KCNH7: variants seen among roughly 807,000 people sequenced by gnomAD.
The protein encoded by KCNH7 is voltage-gated inwardly rectifying potassium channel KCNH7.
In KCNH7, 49 loss-of-function variants were observed where a neutral mutation model predicts 120.8. The ratio of observed to expected loss-of-function variants is 0.41; its 90% CI spans 0.32 to 0.51. The LOEUF (loss-of-function observed/expected upper bound fraction) is 0.51. Ranked by LOEUF, KCNH7 falls within the 20% of genes least tolerant of loss-of-function variation. KCNH7 has a pLI of 0.38. For missense variants in KCNH7, 1,097 were observed against 1,446.6 expected, an observed-to-expected ratio of 0.76 and a Z score of 3.92; for synonymous variants, 547 against 516.1, an observed-to-expected ratio of 1.06 and a Z score of -0.81.
intron 2 of KCNH7, among the ~76,000 whole-genome samples, chr2:162,759,063 C>T (rs1482969506): frequency 6.6e-6 from 1 of 151,494 alleles, no homozygotes; most frequent in East Asian, 2.0e-4. Context: ...GAGGTACTTG[C>T]CACTCTTTCC....
At chr2:162,438,205 T>A (rs113711889) in intron 7 of KCNH7, among the ~76,000 whole-genome samples, 191 of 152,272 alleles carry the variant, frequency 1.3e-3, no homozygotes, top group African/African-American at 4.3e-3. Flanking sequence ...ATTGTGATAA[T>A]AAGTACTAAT....
intron 2 of KCNH7, among the ~76,000 whole-genome samples, chr2:162,642,255 T>A (rs1574209675): frequency 1.3e-5 from 2 of 152,336 alleles, no homozygotes; most frequent in South Asian, 2.1e-4. Flanking sequence ...AATAAATATG[T>A]ATTGATTATC....
intron 2 of KCNH7, among the ~76,000 whole-genome samples, chr2:162,665,055 A>AAC (rs775832551): frequency 5.3e-5 from 8 of 152,152 alleles, no homozygotes. Flanking sequence ...ATTTATTATT[A>AAC]ACTTTGAAAG....
chr2:162,669,993 G>A (rs139639578), intron 2 of KCNH7, among the ~76,000 whole-genome samples: 4,601 of 152,048 alleles, frequency 0.03, 96 homozygotes, highest in Non-Finnish European at 0.044. Flanking sequence ...CCAGCTACTC[G>A]GGAGGCTGAG....
chr2:162,676,654 G>C (rs1434834889), intron 2 of KCNH7, among the ~76,000 whole-genome samples: 1 of 151,466 alleles, frequency 6.6e-6, no homozygotes, highest in African/African-American at 2.4e-5. Context: ...TGGAACTTTT[G>C]AGGCAATTTT....
intron 2 of KCNH7, among the ~76,000 whole-genome samples, chr2:162,577,315 A>G: frequency 6.8e-6 from 1 of 147,176 alleles, no homozygotes; most frequent in South Asian, 2.1e-4. Context: ...CTATCTATCT[A>G]TCTATCTATC....
chr2:162,760,559 A>G (rs1688935095), intron 2 of KCNH7, among the ~76,000 whole-genome samples: 2 of 152,082 alleles, frequency 1.3e-5, no homozygotes, highest in African/African-American at 4.8e-5. Context: ...CCAAAATACT[A>G]TAAATTTTTA....
At chr2:162,428,738 T>C (rs138382693) in intron 8 of KCNH7, among the ~76,000 whole-genome samples, 240 of 152,026 alleles carry the variant, frequency 1.6e-3, no homozygotes, top group African/African-American at 5.5e-3. Context: ...GCATACACAT[T>C]TAGGATTGCT....
At chr2:162,718,554 C>A (rs1390347485) in intron 2 of KCNH7, among the ~76,000 whole-genome samples, 1 of 151,894 alleles carries the variant, frequency 6.6e-6, no homozygotes, top group East Asian at 1.9e-4. Context: ...TGTGTTGGGA[C>A]TGAAACATAA....
chr2:162,533,871 T>C (rs1488747094), intron 3 of KCNH7, among the ~76,000 whole-genome samples: 2 of 150,092 alleles, frequency 1.3e-5, no homozygotes, highest in South Asian at 4.2e-4. Context: ...GTAATATCAC[T>C]TTTTTTTCAT....
At chr2:162,567,164 T>A (rs570764080) in intron 2 of KCNH7, among the ~76,000 whole-genome samples, 2 of 152,154 alleles carry the variant, frequency 1.3e-5, no homozygotes, top group African/African-American at 2.4e-5. Context: ...AAGATGATAA[T>A]TATAAAATGA....
chr2:162,464,150 T>C (rs1236214811), intron 6 of KCNH7, among the ~76,000 whole-genome samples: 1 of 151,992 alleles, frequency 6.6e-6, no homozygotes, highest in Non-Finnish European at 1.5e-5. Flanking sequence ...GAAATAAATA[T>C]GGCATTCTTG....
intron 2 of KCNH7, among the ~76,000 whole-genome samples, chr2:162,600,324 G>A (rs1268316815): frequency 1.3e-5 from 2 of 152,064 alleles, no homozygotes; most frequent in African/African-American, 4.8e-5. Flanking sequence ...CCAGGAAGGT[G>A]ATCACCAATA....
rs959340426 is a variant in KCNH7 at position 162,563,697 on chromosome 2, T to C, written c.308-26617A>G. On this transcript the variant is annotated intron_variant, in intron 2 of 15. Coordinates refer to ENST00000332142, the MANE Select transcript of KCNH7 (RefSeq NM_033272.4). ...GAAAACTAACACAGCATGTTGGCTG[T>C]TGGGTGAAAGCATGTAATTAGTTCT... Among the ~76,000 whole-genome samples the C allele has an allele frequency of 3.3e-5, 5 of 152,282 alleles. No homozygotes were observed. The East Asian group carries it at 9.7e-4, about 29-fold the overall frequency.
chr2:162,497,193 T>A (rs1421646217), intron 6 of KCNH7: 1 of 152,122 alleles, frequency 6.6e-6, no homozygotes, highest in Non-Finnish European at 1.5e-5. Flanking sequence ...AAAATAAGCA[T>A]AAATTGAGAA....
At chr2:162,424,325 T>C (rs1403789238) in intron 8 of KCNH7, among the ~76,000 whole-genome samples, 1 of 152,202 alleles carries the variant, frequency 6.6e-6, no homozygotes, top group African/African-American at 2.4e-5. Flanking sequence ...CTTCTTACAC[T>C]AAATCTTCAT....
intron 9 of KCNH7, among the ~76,000 whole-genome samples, chr2:162,414,143 GA>G (rs1416107546): frequency 6.6e-6 from 1 of 151,920 alleles, no homozygotes; most frequent in East Asian, 1.9e-4. Flanking sequence ...AGGGAAGGGG[GA>G]AAAGTACCAA....
rs538446186 is a variant in KCNH7 at position 162,627,927 on chromosome 2, T to C, written c.308-90847A>G. Among the ~76,000 whole-genome samples, 4 of 152,246 alleles carry C rather than the reference T, an allele frequency of 2.6e-5. No homozygotes were observed. The South Asian group carries it at 6.2e-4, about 24-fold the overall frequency. The stretch of plus-strand genomic sequence containing the variant: ...AGAAGAAGGACAGAATTATTGACTA[T>C]AAAATTTAAGAAAGTTTTGTCTTTG... On this transcript the variant is annotated intron_variant, in intron 2 of 15. Transcript: ENST00000332142.
At chr2:162,450,948 A>T (rs1688747534) in intron 6 of KCNH7, among the ~76,000 whole-genome samples, 1 of 152,056 alleles carries the variant, frequency 6.6e-6, no homozygotes, top group Non-Finnish European at 1.5e-5. Flanking sequence ...GGGTATAAGG[A>T]TGAGGAGTGG....
Sources: gnomAD v4.1 joint callset for allele counts (sites outside exome capture counted in the v4.1 genomes callset) on GRCh38, gnomAD v4.1.1 for gene constraint, MANE v1.5 for transcripts, NCBI Gene and HGNC (gene_info 2026-07-23, HGNC 2026-07-21) for gene names.